The following PCDHGB2 variants were observed in gnomAD, a reference collection of about 807,000 sequenced individuals.
The protein encoded by PCDHGB2 is protocadherin gamma-B2.
PCDHGB2 carries 55 observed loss-of-function variants against 59.3 expected under a neutral mutation model. The observed-to-expected ratio is 0.93, with a 90% confidence interval of 0.75 to 1.16. The LOEUF (loss-of-function observed/expected upper bound fraction) is 1.16, where lower values mean the gene tolerates loss of function less well. Ranked by LOEUF, PCDHGB2 falls within the 50% of genes most tolerant of loss-of-function variation. The probability of loss-of-function intolerance (pLI) is 0.00; values close to 1 mark genes in which losing one functional copy is unlikely to be tolerated. For synonymous variants in PCDHGB2, 516 were observed against 512.0 expected (o/e 1.01, Z -0.11); for missense variants, 1,228 against 1,198.5 (o/e 1.02, Z -0.36).
Position 141,486,775 on chromosome 5 carries a change from G to A in PCDHGB2, c.2422-8032G>A, listed in dbSNP as rs2099634725. On this transcript the variant is annotated intron_variant, in intron 1 of 3. Coordinates refer to ENST00000522605, the MANE Select transcript of PCDHGB2 (RefSeq NM_018923.3). This position sits in a 1 kb window ranked among gnomAD's most constrained non-coding sequence, Gnocchi z 5.0. ...AGCAAACCCAGACACTGCAGTTTGA[G>A]GTGCAGGCCCGGGATCGGGGCAACC... 7 of 1,614,122 alleles carry A rather than the reference G, an allele frequency of 4.3e-6. No individual in the cohort carries two copies. Among genetic ancestry groups the A allele is most frequent in the Non-Finnish European group, 5.9e-6 (7 of 1,180,060 alleles).
intron 1 of PCDHGB2, among the ~76,000 whole-genome samples, chr5:141,460,961 A>G (rs113156768): frequency 0.11 from 16,010 of 144,518 alleles, 1,385 homozygotes; most frequent in African/African-American, 0.24. Context: ...GTATATATAT[A>G]TGTGTGTGTG....
intron 2 of PCDHGB2, among the ~76,000 whole-genome samples, chr5:141,501,324 CA>C (rs1311475307): frequency 7.2e-5 from 11 of 151,778 alleles, no homozygotes; most frequent in African/African-American, 1.9e-4. Flanking sequence ...CACACACACA[CA>C]CACACACACC....
chr5:141,372,084 T>C (rs1169556358), intron 1 of PCDHGB2: 1 of 1,613,714 alleles, frequency 6.2e-7, no homozygotes, highest in South Asian at 1.1e-5. Flanking sequence ...GCTGGTGCTG[T>C]ACCCAGCTCT....
intron 1 of PCDHGB2, chr5:141,364,163 A>G (rs1042010311): frequency 7.4e-6 from 5 of 674,008 alleles, no homozygotes; most frequent in African/African-American, 1.9e-5. Context: ...CGCAGAGGCG[A>G]CCCGACTCTG....
At chr5:141,447,433 C>T (rs756021616) in intron 1 of PCDHGB2, among the ~76,000 whole-genome samples, 5 of 152,118 alleles carry the variant, frequency 3.3e-5, no homozygotes, top group African/African-American at 7.2e-5. Context: ...CCACCGCACC[C>T]GGAGGAAATT....
intron 1 of PCDHGB2, chr5:141,370,790 C>A: frequency 6.2e-7 from 1 of 1,614,040 alleles, no homozygotes; most frequent in Non-Finnish European, 8.5e-7. Context: ...ACCCACCGAC[C>A]TTTAGCCAAA....
intron 1 of PCDHGB2, chr5:141,400,304 G>T: frequency 6.2e-7 from 1 of 1,614,048 alleles, no homozygotes; most frequent in African/African-American, 1.3e-5. Context: ...TTCCAACCTG[G>T]TCTCTGTGTC....
chr5:141,415,507 A>G, intron 1 of PCDHGB2: 1 of 1,614,156 alleles, frequency 6.2e-7, no homozygotes, highest in Admixed American at 1.7e-5. Context: ...CCCCCAGCCC[A>G]ATTATGCGGA....
Position 141,375,794 on chromosome 5 carries a change from G to C in PCDHGB2, c.2421+13238G>C, listed in dbSNP as rs754100940. On this transcript the variant is annotated intron_variant, in intron 1 of 3. Transcript: ENST00000522605. Reference sequence around the variant, plus strand: ...CCTGTACCCCGCCCTCCCCACAGACGGTTCCACTGGCGTGGAGCTGGCGCC... The same window carrying C: ...CCTGTACCCCGCCCTCCCCACAGACCGTTCCACTGGCGTGGAGCTGGCGCC... 33 of 1,614,052 alleles carry C rather than the reference G, an allele frequency of 2.0e-5. No individual in the cohort carries two copies. Among genetic ancestry groups the C allele is most frequent in the Non-Finnish European group, 2.4e-5 (28 of 1,180,026 alleles).
At chr5:141,474,215 A>G (rs1393533136) in intron 1 of PCDHGB2, among the ~76,000 whole-genome samples, 1 of 152,216 alleles carries the variant, frequency 6.6e-6, no homozygotes, top group East Asian at 1.9e-4. Context: ...CAAAAACCAG[A>G]TTGTGAATTA....
chr5:141,385,109 C>T (rs931773405), intron 1 of PCDHGB2: 5 of 1,614,174 alleles, frequency 3.1e-6, no homozygotes, highest in Non-Finnish European at 4.2e-6. Flanking sequence ...AACGTGCCCA[C>T]CTCGCACTTT....
In PCDHGB2 at chr5:141,485,609, G is replaced by A. The variant is rs1432367043; in HGVS notation, c.2422-9198G>A. The A allele has an allele frequency of 6.2e-7, 1 of 1,612,252 alleles. No homozygotes were observed. Among genetic ancestry groups the A allele is most frequent in the Non-Finnish European group, 8.5e-7 (1 of 1,178,656 alleles). On this transcript the variant is annotated intron_variant, in intron 1 of 3. Transcript: ENST00000522605. This position sits in a 1 kb window ranked among gnomAD's most constrained non-coding sequence, Gnocchi z 5.7. ...GCTGGACTTGGAAATTGGGGAGGCA[G>A]CTCCTCCAGGACAGCGTTTCCCGTT...
rs537334679 is a variant in PCDHGB2 at position 141,413,479 on chromosome 5, C to G, written c.2421+50923C>G. ...GATAGACCGGGAGGAGCTCTGCGCTCAGAGCGCGCGGTGCGTGGTGAGTTT... is the reference window on the plus strand; with the variant it reads ...GATAGACCGGGAGGAGCTCTGCGCTGAGAGCGCGCGGTGCGTGGTGAGTTT... On this transcript the variant is annotated intron_variant, in intron 1 of 3. Coordinates refer to ENST00000522605, the MANE Select transcript of PCDHGB2 (RefSeq NM_018923.3). 4.3e-6 allele frequency: 7 copies of G among 1,614,084 alleles called. No individual in the cohort carries two copies. In the African/African-American group the frequency reaches 6.7e-5, roughly 15 times the overall value.
rs867643623 is a variant in PCDHGB2, at chr5:141,362,000, G to T, written c.1865G>T (p.Arg622Leu). Residue 622 changes from arginine to leucine, a missense_variant, in exon 1 of 4, where the codon CGC (arginine) becomes CTC (leucine). This residue lies in a region of PCDHGB2 where 433 missense variants were observed against 441.8 expected (regional missense o/e 0.98). Coordinates refer to ENST00000522605, the MANE Select transcript of PCDHGB2 (RefSeq NM_018923.3). ...CCCGGGCTCTTCAGCCTGGGGTTGCGCACGGGTGAGGTGCGCACAGCGCGT... is the reference window on the plus strand; with the variant it reads ...CCCGGGCTCTTCAGCCTGGGGTTGCTCACGGGTGAGGTGCGCACAGCGCGT... ...SEPGLFSLGL[R>L]TGEVRTARAL... The T allele has an allele frequency of 6.2e-7, 1 of 1,603,372 alleles. No individual in the cohort carries two copies. Among genetic ancestry groups the T allele is most frequent in the African/African-American group, 1.3e-5 (1 of 74,752 alleles).
At position 141,495,662 on chromosome 5, in the gene PCDHGB2, C is replaced by T. The variant is rs545912968; in HGVS notation, c.2480+797C>T. The stretch of plus-strand genomic sequence containing the variant: ...TTTGTCTACTTGCATTGATCTGTGC[C>T]GCCCACTGTGCCTGCCATGGCATAA... On this transcript the variant is annotated intron_variant, in intron 2 of 3. Coordinates refer to ENST00000522605, the MANE Select transcript of PCDHGB2 (RefSeq NM_018923.3). Among the ~76,000 whole-genome samples, 8 of 152,256 alleles carry T rather than the reference C, an allele frequency of 5.3e-5. No individual in the cohort carries two copies. In the South Asian group the frequency reaches 6.2e-4, roughly 12 times the overall value.
At chr5:141,506,609 T>C (rs1375963880) in intron 3 of PCDHGB2, among the ~76,000 whole-genome samples, 1 of 152,184 alleles carries the variant, frequency 6.6e-6, no homozygotes, top group African/African-American at 2.4e-5. Context: ...GATCTCATTG[T>C]GGTGTTACCA....
Position 141,420,299 on chromosome 5 carries a change from T to A in PCDHGB2, c.2421+57743T>A, listed in dbSNP as rs377297222. On this transcript the variant is annotated intron_variant, in intron 1 of 3. Coordinates refer to ENST00000522605, the MANE Select transcript of PCDHGB2 (RefSeq NM_018923.3). Reference sequence around the variant, plus strand: ...GGTAAGTATTTAAAAATGTATTTAATCCTTTTTATATTACAATATGCCAAT... The same window carrying A: ...GGTAAGTATTTAAAAATGTATTTAAACCTTTTTATATTACAATATGCCAAT... 6.8e-6 allele frequency: 10 copies of A among 1,465,980 alleles called. No homozygotes were observed. The African/African-American group carries it at 1.4e-4, about 21-fold the overall frequency. 90.8% of individuals were successfully genotyped at this position (1,465,980 alleles called of 1,614,324 possible). A position where few individuals can be genotyped will look rare whatever the true frequency, so the allele number is the denominator to read the frequency against.
chr5:141,468,315 C>T (rs1197043569), intron 1 of PCDHGB2: 4 of 120,552 alleles, frequency 3.3e-5, no homozygotes, highest in Non-Finnish European at 5.0e-5. Context: ...ACAAGAGCAA[C>T]GGTAAACTCC....
chr5:141,424,232 C>A (rs182055138), intron 1 of PCDHGB2: 1 of 158,642 alleles, frequency 6.3e-6, no homozygotes, highest in East Asian at 1.9e-4. Context: ...TATTTTGATT[C>A]TTGGTGGCTG....
Sources: gnomAD v4.1 joint callset for allele counts (sites outside exome capture counted in the v4.1 genomes callset) on GRCh38, gnomAD v4.1.1 for gene constraint, gnomAD v4.1.1 regional missense constraint, Gnocchi (gnomAD v3.1) non-coding constraint, MANE v1.5 for transcripts, NCBI Gene and HGNC (gene_info 2026-07-23, HGNC 2026-07-21) for gene names.